NBEAL1: variants seen among roughly 807,000 people sequenced by gnomAD.
NBEAL1 encodes the protein neurobeachin like 1, also known as neurobeachin-like protein 1.
NBEAL1 carries 273 observed loss-of-function variants against 351.3 expected under a neutral mutation model. That is an observed-to-expected ratio of 0.78 (90% confidence interval 0.70 to 0.86). The LOEUF (loss-of-function observed/expected upper bound fraction) is 0.86. Ranked by LOEUF, NBEAL1 falls within the 40% of genes least tolerant of loss-of-function variation. The pLI is 0.00. For synonymous variants in NBEAL1, 1,050 were observed against 1,086.4 expected, an observed-to-expected ratio of 0.97 and a Z score of 0.66; for missense variants, 2,961 against 3,201.3, an observed-to-expected ratio of 0.92 and a Z score of 1.81.
chr2:203,205,900 A>G (rs1273987414), intron 51 of NBEAL1, among the ~76,000 whole-genome samples: 1 of 152,270 alleles, frequency 6.6e-6, no homozygotes, highest in East Asian at 1.9e-4. Flanking sequence ...TGTCACAGGT[A>G]GCAGAGTGTC....
At chr2:203,192,963 C>CTCTTTTTTTTTTTTTTTT (rs1559053733) in intron 46 of NBEAL1, among the ~76,000 whole-genome samples, 4 of 99,332 alleles carry the variant, frequency 4.0e-5, no homozygotes, top group Non-Finnish European at 6.1e-5. Flanking sequence ...TTCTTTCTTT[C>CTCTTTTTTTTTTTTTTTT]TTTTTTTTTT....
In NBEAL1 at chr2:203,217,563, C is replaced by T; in HGVS notation, c.*209C>T. 1 of 1,165,918 alleles carries T rather than the reference C, an allele frequency of 8.6e-7. No homozygotes were observed. 72.2% of individuals were successfully genotyped at this position (1,165,918 alleles called of 1,614,324 possible). On this transcript the variant is annotated 3_prime_UTR_variant, in exon 56 of 56. Transcript: ENST00000683969. ...ATACATTTGATTTGATTTTGTGGCC[C>T]ATTCCTAAAGGTCATTGTATCCATT... is the stretch of plus-strand genomic sequence containing the variant.
intron 42 of NBEAL1, among the ~76,000 whole-genome samples, chr2:203,178,490 A>G (rs141862764): frequency 2.6e-4 from 40 of 152,292 alleles, no homozygotes; most frequent in African/African-American, 9.1e-4. Context: ...TTATAACCAA[A>G]AAGTAGAAAC....
chr2:203,047,885 G>A (rs1436846785), intron 3 of NBEAL1, among the ~76,000 whole-genome samples: 1 of 151,614 alleles, frequency 6.6e-6, no homozygotes, highest in Admixed American at 6.6e-5. Flanking sequence ...TGGGACCACA[G>A]ACATATACCA....
rs1043356567 is a variant in NBEAL1 at position 203,039,422 on chromosome 2, G to A, written c.52-2343G>A. Among the ~76,000 whole-genome samples, 6 of 140,700 alleles carry A rather than the reference G, an allele frequency of 4.3e-5. 1 individual carries two copies. In the Admixed American group the frequency reaches 4.4e-4, roughly 10 times the overall value. 92.3% of individuals were successfully genotyped at this position (140,700 alleles called of 152,430 possible). ...TGTCCTGTCTTGTCCTGTCCTTTCC[G>A]AGATAGAGTCTTGCTTTGTTGCTCA... is the stretch of plus-strand genomic sequence containing the variant. On this transcript the variant is annotated intron_variant, in intron 2 of 55. Coordinates refer to ENST00000683969, the MANE Select transcript of NBEAL1 (RefSeq NM_001378026.1).
In NBEAL1 at chr2:203,176,910, G is replaced by A. The variant is rs145429247; in HGVS notation, c.6464+1623G>A. On this transcript the variant is annotated intron_variant, in intron 42 of 55. Coordinates refer to ENST00000683969, the MANE Select transcript of NBEAL1 (RefSeq NM_001378026.1). ...TTATGCCTTTAATCCCCAACACTTT[G>A]GGAGGCCAGGTCAGGTGGATCACTT... is the stretch of plus-strand genomic sequence containing the variant. 3.9e-3 allele frequency among the ~76,000 whole-genome samples: 600 copies of A among 152,082 alleles called. 8 individuals are homozygous for A. Among genetic ancestry groups the A allele is most frequent in the African/African-American group, 0.014 (567 of 41,486 alleles).
chr2:203,166,298 GT>G lies in NBEAL1; in HGVS notation c.5863+2del. On this transcript the variant is annotated splice_donor_variant, in intron 37 of 55. Transcript: ENST00000683969. LOFTEE classifies it high-confidence loss of function. ...GATGGCAGCATTGAAAAAGAAGATGGTGAGGAGTTCTGGAAAAAATAATTTT... is the reference window on the plus strand; with the variant it reads ...GATGGCAGCATTGAAAAAGAAGATGGGAGGAGTTCTGGAAAAAATAATTTT... 6.3e-7 allele frequency: 1 copy of G among 1,596,034 alleles called. No individual in the cohort carries two copies. Among genetic ancestry groups the G allele is most frequent in the Non-Finnish European group, 8.5e-7 (1 of 1,175,712 alleles).
At chr2:203,146,003 A>T (rs1219780174) in intron 33 of NBEAL1, among the ~76,000 whole-genome samples, 1 of 151,900 alleles carries the variant, frequency 6.6e-6, no homozygotes, top group Non-Finnish European at 1.5e-5. Flanking sequence ...TGACAAAAAA[A>T]AAAAGGAGAG....
intron 41 of NBEAL1, among the ~76,000 whole-genome samples, chr2:203,174,631 A>G (rs988549689): frequency 1.6e-4 from 24 of 152,068 alleles, no homozygotes; most frequent in Non-Finnish European, 2.4e-4. Flanking sequence ...GGTGGCTCAC[A>G]CCTGTAATCC....
intron 20 of NBEAL1, 114 bp from the exon 21 acceptor site, chr2:203,125,846 C>A: frequency 1.2e-6 from 1 of 854,094 alleles, no homozygotes; most frequent in Non-Finnish European, 1.7e-6. Flanking sequence ...GCGTTGGAAG[C>A]TGACTGCTGA....
At chr2:203,153,728 A>T (rs988598426) in intron 35 of NBEAL1, among the ~76,000 whole-genome samples, 1 of 152,132 alleles carries the variant, frequency 6.6e-6, no homozygotes, top group Admixed American at 6.5e-5. Flanking sequence ...AAATGTAACT[A>T]TCATTAACAC....
At chr2:203,143,981 G>A (rs543598266) in intron 31 of NBEAL1, among the ~76,000 whole-genome samples, 1 of 152,164 alleles carries the variant, frequency 6.6e-6, no homozygotes, top group African/African-American at 2.4e-5. Flanking sequence ...GGAGGCCAAG[G>A]CAGGTGGATC....
chr2:203,121,592 C>CA (rs1457273888), intron 18 of NBEAL1, among the ~76,000 whole-genome samples: 3 of 147,892 alleles, frequency 2.0e-5, no homozygotes, highest in East Asian at 4.1e-4. Context: ...GCAGAGGTTG[C>CA]AGTGAGCCAA....
At chr2:203,019,808 A>G (rs900655183) in intron 2 of NBEAL1, among the ~76,000 whole-genome samples, 8 of 152,174 alleles carry the variant, frequency 5.3e-5, no homozygotes, top group Admixed American at 3.9e-4. Flanking sequence ...ATGCTAAAAG[A>G]ACGCTAATGG....
chr2:203,034,676 ACTC>A (rs2106026981), intron 2 of NBEAL1, among the ~76,000 whole-genome samples: 1 of 146,202 alleles, frequency 6.8e-6, no homozygotes, highest in South Asian at 2.2e-4. Context: ...CTGGTCTTGA[ACTC>A]CTGATCTCAG....
chr2:203,209,461 GTT>G (rs1419269304), intron 53 of NBEAL1, 139 bp downstream of exon 53: 1 of 627,402 alleles, frequency 1.6e-6, no homozygotes, highest in Non-Finnish European at 2.6e-6. Flanking sequence ...TCAGTTGTTC[GTT>G]TCTTAACATT....
chr2:203,145,537 C>T (rs144121116), intron 33 of NBEAL1, among the ~76,000 whole-genome samples: 4 of 152,244 alleles, frequency 2.6e-5, no homozygotes, highest in African/African-American at 7.2e-5. Context: ...GTGGCTCACA[C>T]GTGTAATCCC....
At chr2:203,097,962 A>G (rs973479869) in intron 11 of NBEAL1, among the ~76,000 whole-genome samples, 5 of 152,136 alleles carry the variant, frequency 3.3e-5, no homozygotes, top group East Asian at 1.9e-4. Context: ...ACTGTGGTAT[A>G]TTGGGACCTT....
At chr2:203,166,694 G>A (rs1308001576) in intron 37 of NBEAL1, among the ~76,000 whole-genome samples, 2 of 151,686 alleles carry the variant, frequency 1.3e-5, no homozygotes, top group Non-Finnish European at 2.9e-5. Context: ...TTACAGGCAT[G>A]TGCCACCACG....
Sources: gnomAD v4.1 joint callset for allele counts (sites outside exome capture counted in the v4.1 genomes callset) on GRCh38, gnomAD v4.1.1 for gene constraint, MANE v1.5 for transcripts, NCBI Gene and HGNC (gene_info 2026-07-23, HGNC 2026-07-21) for gene names.